The following MAVS variants were observed in gnomAD, a reference collection of about 807,000 sequenced individuals.
MAVS encodes mitochondrial antiviral signaling protein.
A neutral mutation model predicts 30.2 loss-of-function variants in MAVS; 20 were observed. That is an observed-to-expected ratio of 0.66 (90% CI 0.47 to 0.96). MAVS has a LOEUF of 0.96. Among genes scored for constraint, MAVS ranks in the 40% least tolerant of loss-of-function variants. The pLI, the probability that MAVS is intolerant of heterozygous loss-of-function variation, is 0.00. For missense variants in MAVS, 624 were observed against 701.1 expected (o/e 0.89, Z 1.24); for synonymous variants, 278 against 293.9 (o/e 0.95, Z 0.55).
intron 3 of MAVS, among the ~76,000 whole-genome samples, chr20:3,860,621 C>T (rs2089858521): frequency 6.6e-6 from 1 of 151,880 alleles, no homozygotes; most frequent in East Asian, 1.9e-4. Context: ...GTGATCCACC[C>T]ACTTCGGCCT....
At position 3,866,104 on chromosome 20, in the gene MAVS, T is replaced by C; in HGVS notation, c.1580T>C (p.Val527Ala). ...CAGGTGGCTGTGACAGGGGTGCTGGTAGTCACACTCCTGGTGGTGCTGTAC... is the reference window on the plus strand; with the variant it reads ...CAGGTGGCTGTGACAGGGGTGCTGGCAGTCACACTCCTGGTGGTGCTGTAC... ...WLQVAVTGVLVVTLLVVLYRR... is the reference protein window; with the variant it reads ...WLQVAVTGVLAVTLLVVLYRR... Residue 527 changes from valine to alanine, a missense_variant, in exon 7 of 7, where the codon GTA becomes GCA. Coordinates refer to ENST00000428216, the MANE Select transcript of MAVS (RefSeq NM_020746.5). The C allele has an allele frequency of 6.2e-7, 1 of 1,608,278 alleles. No homozygotes were observed. The highest frequency in any genetic ancestry group is 2.2e-5 in the East Asian group (1 of 44,824).
chr20:3,865,734 T>A lies in MAVS; in HGVS notation c.1210T>A (p.Trp404Arg), dbSNP rs1341531118. 6.2e-7 allele frequency: 1 copy of A among 1,612,952 alleles called. No homozygotes were observed. Among genetic ancestry groups the A allele is most frequent in the African/African-American group, 1.3e-5 (1 of 74,936 alleles). ...CGGCGCCACTGGAGGCAGCTCAGCC[T>A]GGCTAGACAGCAGCTCTGAGAATAG... ...PAGATGGSSA[W>R]LDSSSENRGL... The change falls in exon 7 of 7, where the codon TGG (tryptophan) becomes AGG (arginine). Residue 404 changes from tryptophan (W) to arginine (R), a missense_variant. By Grantham distance (101) the Trp-to-Arg change is moderately radical (BLOSUM62 -3). Coordinates refer to ENST00000428216, the MANE Select transcript of MAVS (RefSeq NM_020746.5). The surrounding 1 kb of genome is among the most constrained non-coding windows in gnomAD (Gnocchi z 4.7).
chr20:3,859,847 C>T (rs898409616), intron 3 of MAVS, among the ~76,000 whole-genome samples: 27 of 151,674 alleles, frequency 1.8e-4, no homozygotes, highest in Admixed American at 3.3e-4. Flanking sequence ...AATGGAGTTT[C>T]GCTCTGTCGC....
At position 3,867,148 on chromosome 20, in the gene MAVS, G is replaced by A. The variant is rs1270115024; in HGVS notation, c.*1001G>A. 2 of 441,246 alleles carry A rather than the reference G, an allele frequency of 4.5e-6. No individual in the cohort carries two copies. Among genetic ancestry groups the A allele is most frequent in the Non-Finnish European group, 9.1e-6 (2 of 218,900 alleles). 27.3% of individuals were successfully genotyped at this position (441,246 alleles called of 1,614,324 possible). A position where few individuals can be genotyped will look rare whatever the true frequency, so the allele number is the denominator to read the frequency against. On this transcript the variant is annotated 3_prime_UTR_variant, in exon 7 of 7. Coordinates refer to ENST00000428216, the MANE Select transcript of MAVS (RefSeq NM_020746.5). ...GAGAGGCAGAGTGCACAGTGGTCAAGGGTGCAGCTCTGCAGCACAGGCAGC... is the reference window on the plus strand; with the variant it reads ...GAGAGGCAGAGTGCACAGTGGTCAAAGGTGCAGCTCTGCAGCACAGGCAGC...
chr20:3,851,990 C>CTTTTTTTTGTTTTTTTTTTTTTTT (rs2089764053), intron 1 of MAVS, among the ~76,000 whole-genome samples: 1 of 80,488 alleles, frequency 1.2e-5, no homozygotes, highest in African/African-American at 1.2e-4. Context: ...GTGTAGCAGG[C>CTTTTTTTTGTTTTTTTTTTTTTTT]TTTTTTTTTT....
In MAVS at chr20:3,860,595, G is replaced by A. The variant is rs1319438298; in HGVS notation, c.293-737G>A. 8.6e-5 allele frequency among the ~76,000 whole-genome samples: 13 copies of A among 151,368 alleles called. 1 individual carries two copies. The highest frequency in any genetic ancestry group is 1.5e-4 in the Non-Finnish European group (10 of 67,858). ...TCTCCATGTTGGTCAGGCTGGTCTC[G>A]AACTCACGACCTCAGGTGATCCACC... On this transcript the variant is annotated intron_variant, in intron 3 of 6. Transcript: ENST00000428216.
rs1010917451 is a variant in MAVS, at chr20:3,872,168, G to C, written c.*6021G>C. The C allele has an allele frequency of 2.0e-5, 3 of 152,352 alleles. No individual in the cohort carries two copies. Among genetic ancestry groups the C allele is most frequent in the African/African-American group, 7.2e-5 (3 of 41,420 alleles). 9.4% of individuals were successfully genotyped at this position (152,352 alleles called of 1,614,324 possible). A position where few individuals can be genotyped will look rare whatever the true frequency, so the allele number is the denominator to read the frequency against. On this transcript the variant is annotated 3_prime_UTR_variant, in exon 7 of 7. Coordinates refer to ENST00000428216, the MANE Select transcript of MAVS (RefSeq NM_020746.5). ...TTAAAGTGAGATTTTGGCTGGAGGTGGTGGATCATACCTATAATCCCAGCA... is the reference window on the plus strand; with the variant it reads ...TTAAAGTGAGATTTTGGCTGGAGGTCGTGGATCATACCTATAATCCCAGCA...
rs1284716000 is a variant in MAVS at position 3,864,396 on chromosome 20, T to G, written c.766T>G (p.Ser256Ala). 6.2e-7 allele frequency: 1 copy of G among 1,614,028 alleles called. No individual in the cohort carries two copies. The highest frequency in any genetic ancestry group is 2.2e-5 in the East Asian group (1 of 44,870). Residue 256 changes from serine (S) to alanine (A), a missense_variant, in exon 6 of 7, where the codon TCC becomes GCC. Physicochemically the swap from Ser to Ala is moderately conservative, Grantham distance 99. Coordinates refer to ENST00000428216, the MANE Select transcript of MAVS (RefSeq NM_020746.5). ...SVVSTGTSFS[S>A]SSPGLASAGA... ...TGTATCTACTGGCACCTCCTTCTCC[T>G]CCTCATCCCCTGGCTTGGCCTCTGC...
intron 5 of MAVS, 27 bp from the exon 6 acceptor site, chr20:3,864,229 T>C (rs374416284): frequency 1.9e-6 from 3 of 1,582,234 alleles, no homozygotes; most frequent in South Asian, 1.2e-5. Context: ...TGGGTCTGTG[T>C]TTCCACTTGT....
At chr20:3,852,195 C>T (rs998663784) in intron 1 of MAVS, among the ~76,000 whole-genome samples, 10 of 151,876 alleles carry the variant, frequency 6.6e-5, no homozygotes, top group South Asian at 2.1e-4. Context: ...GGGGTTTCAC[C>T]GTGTTAGCCA....
chr20:3,869,178 C>CT lies in MAVS; in HGVS notation c.*3043dup, dbSNP rs143841592. 0.011 allele frequency: 1,558 copies of CT among 143,380 alleles called. 49 individuals carry two copies. The highest frequency in any genetic ancestry group is 0.06 in the Admixed American group (863 of 14,268). The allele number at this position is 143,380 out of a possible 1,614,324, so 8.9% of individuals were successfully genotyped here. ...TGCCTGGCTAATTAAATTTTTTTTT[C>CT]TTTTTTTTTTTTGAGATGGAGTCTT... On this transcript the variant is annotated 3_prime_UTR_variant, in exon 7 of 7. Coordinates refer to ENST00000428216, the MANE Select transcript of MAVS (RefSeq NM_020746.5).
At chr20:3,860,666 CGT>C (rs2089858944) in intron 3 of MAVS, among the ~76,000 whole-genome samples, 1 of 151,300 alleles carries the variant, frequency 6.6e-6, no homozygotes. Flanking sequence ...TGAGCCACCA[CGT>C]CTGGCTTCTT....
intron 1 of MAVS, among the ~76,000 whole-genome samples, chr20:3,853,441 G>C (rs907684585): frequency 9.3e-5 from 14 of 150,222 alleles, no homozygotes; most frequent in Non-Finnish European, 1.6e-4. Context: ...AGCCGAGATC[G>C]CGCCACCGCA....
Position 3,873,863 on chromosome 20 carries a change from A to ACCAAAAG in MAVS, c.*7719_*7725dup, listed in dbSNP as rs150423650. 19,034 of 367,228 alleles carry ACCAAAAG rather than the reference A, an allele frequency of 0.052. 996 individuals are homozygous for ACCAAAAG. The highest frequency in any genetic ancestry group is 0.23 in the East Asian group (5,735 of 25,160). The allele number at this position is 367,228 out of a possible 1,614,324, so 22.7% of individuals were successfully genotyped here. ...CCCTGTTGGAAAACTGGCAGTATCT[A>ACCAAAAG]CCAAAAGCCGAACATACGTATAAAC... On this transcript the variant is annotated 3_prime_UTR_variant, in exon 7 of 7. Coordinates refer to ENST00000428216, the MANE Select transcript of MAVS (RefSeq NM_020746.5).
intron 1 of MAVS, among the ~76,000 whole-genome samples, chr20:3,851,490 G>GT (rs2089759151): frequency 7.2e-6 from 1 of 139,360 alleles, no homozygotes; most frequent in African/African-American, 2.8e-5. Flanking sequence ...TGGGCGACAG[G>GT]GAGACTCTGT....
rs1456365796 is a variant in MAVS at position 3,875,182 on chromosome 20, G to C, written c.*9035G>C. The C allele has an allele frequency of 2.0e-5, 3 of 152,224 alleles. No individual in the cohort carries two copies. The highest frequency in any genetic ancestry group is 1.3e-4 in the Admixed American group (2 of 15,278). The allele number at this position is 152,224 out of a possible 1,614,324, so 9.4% of individuals were successfully genotyped here. On this transcript the variant is annotated 3_prime_UTR_variant, in exon 7 of 7. Transcript: ENST00000428216. ...TAATCCCAGTGATTCAGGAGACTGA[G>C]GTGGGAGGATTGCTAGAAGCCAGGA...
In MAVS at chr20:3,869,063, C is replaced by T. The variant is rs2089932829; in HGVS notation, c.*2916C>T. 6.6e-6 allele frequency: 1 copy of T among 152,160 alleles called. No individual in the cohort carries two copies. The highest frequency in any genetic ancestry group is 1.5e-5 in the Non-Finnish European group (1 of 68,046). The allele number at this position is 152,160 out of a possible 1,614,324, so 9.4% of individuals were successfully genotyped here. The stretch of plus-strand genomic sequence containing the variant: ...CCAGCCTGGAGCGAAGTGGTGCAAT[C>T]ATAACTCACTGTATCCTTAAACTCC... On this transcript the variant is annotated 3_prime_UTR_variant, in exon 7 of 7. Transcript: ENST00000428216.
In MAVS at chr20:3,868,377, G is replaced by C. The variant is rs1017227662; in HGVS notation, c.*2230G>C. 1 of 152,330 alleles carries C rather than the reference G, an allele frequency of 6.6e-6. No individual in the cohort carries two copies. Among genetic ancestry groups the C allele is most frequent in the Non-Finnish European group, 1.5e-5 (1 of 68,090 alleles). 9.4% of individuals were successfully genotyped at this position (152,330 alleles called of 1,614,324 possible). ...GGGCCGAGCGCAGTGGCTCACGCCTGTAATCCCAGCACTTTGGGAGGCCAA... is the reference window on the plus strand; with the variant it reads ...GGGCCGAGCGCAGTGGCTCACGCCTCTAATCCCAGCACTTTGGGAGGCCAA... On this transcript the variant is annotated 3_prime_UTR_variant, in exon 7 of 7. Transcript: ENST00000428216.
rs1485700687 is a variant in MAVS, at chr20:3,870,888, T to G, written c.*4741T>G. On this transcript the variant is annotated 3_prime_UTR_variant, in exon 7 of 7. Transcript: ENST00000428216. ...CTGCTTCCCCTCATTCTGCAGAGGT[T>G]CTTTTCTTTTGAGACAGAGTGTTGC... 1.3e-5 allele frequency: 2 copies of G among 152,122 alleles called. No individual in the cohort carries two copies. The highest frequency in any genetic ancestry group is 4.8e-5 in the African/African-American group (2 of 41,382). 9.4% of individuals were successfully genotyped at this position (152,122 alleles called of 1,614,324 possible).
Sources: gnomAD v4.1 joint callset for allele counts (sites outside exome capture counted in the v4.1 genomes callset) on GRCh38, gnomAD v4.1.1 for gene constraint, Gnocchi (gnomAD v3.1) non-coding constraint, MANE v1.5 for transcripts, NCBI Gene and HGNC (gene_info 2026-07-23, HGNC 2026-07-21) for gene names.